The following BIRC2 variants were observed in gnomAD, a reference collection of about 807,000 sequenced individuals.
BIRC2 encodes baculoviral IAP repeat containing 2, also known as baculoviral IAP repeat-containing protein 2.
A neutral mutation model predicts 60.9 loss-of-function variants in BIRC2; 18 were observed. The ratio of observed to expected loss-of-function variants is 0.30; its 90% CI spans 0.20 to 0.44. BIRC2 has a LOEUF of 0.44. BIRC2 is among the 20% of genes least tolerant of loss of function. BIRC2 has a pLI of 1.00. For missense variants in BIRC2, 701 were observed against 728.5 expected, an observed-to-expected ratio of 0.96 and a Z score of 0.43; for synonymous variants, 282 against 247.7, an observed-to-expected ratio of 1.14 and a Z score of -1.30.
chr11:102,366,885 C>T (rs995211372), intron 5 of BIRC2, among the ~76,000 whole-genome samples: 1 of 152,210 alleles, frequency 6.6e-6, no homozygotes, highest in Non-Finnish European at 1.5e-5. Flanking sequence ...TAGGAAGCCT[C>T]TGCTTATCTG....
intron 3 of BIRC2, among the ~76,000 whole-genome samples, chr11:102,355,244 A>G (rs1287110379): frequency 2.0e-5 from 3 of 152,052 alleles, no homozygotes; most frequent in African/African-American, 4.8e-5. Flanking sequence ...TTCTGGATTT[A>G]TGTTTAGTCT....
intron 3 of BIRC2, among the ~76,000 whole-genome samples, chr11:102,356,436 T>C (rs933363312): frequency 4.6e-5 from 7 of 152,086 alleles, no homozygotes; most frequent in African/African-American, 1.4e-4. Context: ...GACCTCGTGA[T>C]CCACCTGCCT....
intron 3 of BIRC2, among the ~76,000 whole-genome samples, chr11:102,362,253 CTTTT>C (rs34817116): frequency 1.3e-5 from 2 of 151,394 alleles, no homozygotes; most frequent in African/African-American, 4.9e-5. Flanking sequence ...GTCAGTGTTC[CTTTT>C]TTTTAACATA....
At chr11:102,373,785 C>A (rs1304129437) in intron 6 of BIRC2, among the ~76,000 whole-genome samples, 1 of 151,744 alleles carries the variant, frequency 6.6e-6, no homozygotes, top group Non-Finnish European at 1.5e-5. Context: ...TTCCAATCTC[C>A]CCATCACTTT....
At position 102,367,012 on chromosome 11, in the gene BIRC2, T is replaced by C. The variant is rs34747889; in HGVS notation, c.1124-1294T>C. On this transcript the variant is annotated intron_variant, in intron 5 of 8. Transcript: ENST00000227758. The stretch of plus-strand genomic sequence containing the variant: ...CTGTTCTCTTTGCTTAGAAGACTTC[T>C]TTGAGATATTTCCATAGCTCACTCC... Among the ~76,000 whole-genome samples the C allele has an allele frequency of 8.5e-3, 1,300 of 152,346 alleles. 16 individuals carry two copies. Among genetic ancestry groups the C allele is most frequent in the Non-Finnish European group, 0.013 (872 of 68,034 alleles).
At position 102,365,384 on chromosome 11, in the gene BIRC2, C is replaced by T. The variant is rs11225228; in HGVS notation, c.1123+1668C>T. The stretch of plus-strand genomic sequence containing the variant: ...TCCCCATTCAGCTATTACCTTATTA[C>T]TCTGCTTCCCTTTACAACAAAATAC... On this transcript the variant is annotated intron_variant, in intron 5 of 8. Coordinates refer to ENST00000227758, the MANE Select transcript of BIRC2 (RefSeq NM_001166.5). Among the ~76,000 whole-genome samples, 1,428 of 152,274 alleles carry T rather than the reference C, an allele frequency of 9.4e-3. 20 individuals are homozygous for T. Among genetic ancestry groups the T allele is most frequent in the African/African-American group, 0.033 (1,355 of 41,542 alleles).
Position 102,368,454 on chromosome 11 carries a change from T to C in BIRC2, c.1272T>C (p.Tyr424=), listed in dbSNP as rs756122348. 1.5e-5 allele frequency: 25 copies of C among 1,613,852 alleles called. No individual in the cohort carries two copies. The East Asian group carries it at 2.5e-4, about 16-fold the overall frequency. ...AAATCCTGACAACTGGAGAGAACTA[T>C]AAAACAGTTAATGATATTGTGTCAG... ...QSKILTTGEN[Y]KTVNDIVSAL... The change falls in exon 6 of 9, where the codon TAT becomes TAC. Residue 424 remains tyrosine, a synonymous_variant. Coordinates refer to ENST00000227758, the MANE Select transcript of BIRC2 (RefSeq NM_001166.5).
chr11:102,366,367 C>T (rs1189042748), intron 5 of BIRC2, among the ~76,000 whole-genome samples: 1 of 151,144 alleles, frequency 6.6e-6, no homozygotes, highest in African/African-American at 2.4e-5. Context: ...ACCATCTCCA[C>T]CACTGTTTTT....
At position 102,364,309 on chromosome 11, in the gene BIRC2, A is replaced by C. The variant is rs12273819; in HGVS notation, c.1123+593A>C. On this transcript the variant is annotated intron_variant, in intron 5 of 8. Transcript: ENST00000227758. ...TAGTGCTGACATTCCAACTGGAGAA[A>C]TGAGACATAAGCAAAAGAAAAACAA... Among the ~76,000 whole-genome samples, 1,426 of 151,290 alleles carry C rather than the reference A, an allele frequency of 9.4e-3. 23 individuals carry two copies. Among genetic ancestry groups the C allele is most frequent in the African/African-American group, 0.033 (1,353 of 41,162 alleles).
chr11:102,369,394 T>A (rs1302512996), intron 6 of BIRC2, among the ~76,000 whole-genome samples: 4 of 148,562 alleles, frequency 2.7e-5, no homozygotes, highest in African/African-American at 9.9e-5. Flanking sequence ...AGTTCCCACC[T>A]ATGAGTGAGA....
chr11:102,349,783 G>A lies in BIRC2; in HGVS notation c.-72G>A. 1 of 1,432,800 alleles carries A rather than the reference G, an allele frequency of 7.0e-7. No individual in the cohort carries two copies. Among genetic ancestry groups the A allele is most frequent in the Non-Finnish European group, 9.4e-7 (1 of 1,059,522 alleles). 88.8% of individuals were successfully genotyped at this position (1,432,800 alleles called of 1,614,324 possible). A position where few individuals can be genotyped will look rare whatever the true frequency, so the allele number is the denominator to read the frequency against. ...AGTCTATCATTGATTTCTTTTTGTGGTAAAAATCTTAGTTCATGTGAAGAA... is the reference window on the plus strand; with the variant it reads ...AGTCTATCATTGATTTCTTTTTGTGATAAAAATCTTAGTTCATGTGAAGAA... On this transcript the variant is annotated 5_prime_UTR_variant, in exon 2 of 9. Coordinates refer to ENST00000227758, the MANE Select transcript of BIRC2 (RefSeq NM_001166.5).
At chr11:102,357,199 G>A (rs1951432403) in intron 3 of BIRC2, among the ~76,000 whole-genome samples, 1 of 152,078 alleles carries the variant, frequency 6.6e-6, no homozygotes, top group Non-Finnish European at 1.5e-5. Flanking sequence ...TCTGGCTTTG[G>A]TATCAGAGTA....
chr11:102,354,780 G>A (rs1378458039), intron 3 of BIRC2, among the ~76,000 whole-genome samples: 1 of 151,944 alleles, frequency 6.6e-6, no homozygotes, highest in Non-Finnish European at 1.5e-5. Context: ...TGATAATAAG[G>A]CATCATTACA....
At chr11:102,366,510 G>C (rs1383558100) in intron 5 of BIRC2, among the ~76,000 whole-genome samples, 1 of 152,034 alleles carries the variant, frequency 6.6e-6, no homozygotes, top group African/African-American at 2.4e-5. Context: ...GGGACTACAG[G>C]CGCCCACCAC....
rs1951728375 is a variant in BIRC2, at chr11:102,377,540, C to T, written c.1411C>T (p.Gln471Ter). The T allele has an allele frequency of 6.2e-7, 1 of 1,604,546 alleles. No homozygotes were observed. Among genetic ancestry groups the T allele is most frequent in the African/African-American group, 1.3e-5 (1 of 74,410 alleles). The change falls in exon 7 of 9, where the codon CAA becomes TAA. Residue 471 changes from glutamine (Q) to a stop codon, truncating the protein, a stop_gained. Transcript: ENST00000227758. LOFTEE classifies it high-confidence loss of function. ...IRKNRMALFQ[Q>*]LTCVLPILDN... is the part of the protein sequence containing the mutation. Reference sequence around the variant, plus strand: ...GAAGAACAGAATGGCTCTCTTTCAACAATTGACATGTGTGCTTCCTATCCT... The same window carrying T: ...GAAGAACAGAATGGCTCTCTTTCAATAATTGACATGTGTGCTTCCTATCCT...
chr11:102,349,877 G>C lies in BIRC2; in HGVS notation c.23G>C (p.Arg8Thr), dbSNP rs1376496609. 6.2e-7 allele frequency: 1 copy of C among 1,609,476 alleles called. No individual in the cohort carries two copies. Among genetic ancestry groups the C allele is most frequent in the African/African-American group, 1.3e-5 (1 of 74,946 alleles). Residue 8 changes from arginine to threonine, a missense_variant, in exon 2 of 9, where the codon AGA becomes ACA. Physicochemically the swap from Arg to Thr is moderately conservative, Grantham distance 71. Around this residue, in one of 4 missense-constraint regions of BIRC2, gnomAD observed 375 missense variants for 365.9 expected, o/e 1.02. Coordinates refer to ENST00000227758, the MANE Select transcript of BIRC2 (RefSeq NM_001166.5). ...CTCATGCACAAAACTGCCTCCCAAA[G>C]ACTTTTCCCAGGTCCCTCGTATCAA... MHKTASQRLFPGPSYQNI... is the reference protein window; with the variant it reads MHKTASQTLFPGPSYQNI...
Position 102,350,345 on chromosome 11 carries a change from G to C in BIRC2, c.491G>C (p.Arg164Thr). 1 of 1,614,172 alleles carries C rather than the reference G, an allele frequency of 6.2e-7. No individual in the cohort carries two copies. Among genetic ancestry groups the C allele is most frequent in the Non-Finnish European group, 8.5e-7 (1 of 1,180,024 alleles). The change falls in exon 2 of 9, where the codon AGA becomes ACA. Residue 164 changes from arginine to threonine, a missense_variant. By Grantham distance (71) the Arg-to-Thr change is moderately conservative. Coordinates refer to ENST00000227758, the MANE Select transcript of BIRC2 (RefSeq NM_001166.5). ...CTTTCTCCAAACCCTCTTAATTCTA[G>C]AGCAGTTGAAGACATCTCTTCATCG... is the stretch of plus-strand genomic sequence containing the variant. The part of the protein sequence containing the change: ...SSLSPNPLNS[R>T]AVEDISSSRT...
chr11:102,349,726 C>A lies in BIRC2; in HGVS notation c.-129C>A. 2 of 950,106 alleles carry A rather than the reference C, an allele frequency of 2.1e-6. No homozygotes were observed. The highest frequency in any genetic ancestry group is 1.5e-6 in the Non-Finnish European group (1 of 646,470). 58.9% of individuals were successfully genotyped at this position (950,106 alleles called of 1,614,324 possible). A position where few individuals can be genotyped will look rare whatever the true frequency, so the allele number is the denominator to read the frequency against. On this transcript the variant is annotated 5_prime_UTR_variant, in exon 2 of 9. Coordinates refer to ENST00000227758, the MANE Select transcript of BIRC2 (RefSeq NM_001166.5). ...ACCTGAATATAAACTGAGATAAATC[C>A]AGTAAAGAAAGTGTAGTAAATTCTA...
chr11:102,359,128 C>A (rs1403840273), intron 3 of BIRC2, among the ~76,000 whole-genome samples: 2 of 152,100 alleles, frequency 1.3e-5, no homozygotes, highest in African/African-American at 4.8e-5. Flanking sequence ...CTATTGGTTT[C>A]TACTTTGTGG....
Sources: allele counts gnomAD v4.1 joint callset (sites outside exome capture counted in the v4.1 genomes callset), GRCh38; gene constraint gnomAD v4.1.1; regional missense constraint gnomAD v4.1.1; transcripts MANE v1.5; gene names NCBI Gene and HGNC (gene_info 2026-07-23, HGNC 2026-07-21).